AGAP1: variants seen among roughly 807,000 people sequenced by gnomAD.
The protein encoded by AGAP1 is ArfGAP with GTPase domain, ankyrin repeat and PH domain 1, also known as arf-GAP with GTPase, ANK repeat and PH domain-containing protein 1.
AGAP1 carries 29 observed loss-of-function variants against 105.3 expected under a neutral mutation model. The ratio of observed to expected loss-of-function variants is 0.28; its 90% CI spans 0.21 to 0.38. The LOEUF (loss-of-function observed/expected upper bound fraction) is 0.38, where lower values mean the gene tolerates loss of function less well. Among genes scored for constraint, AGAP1 ranks in the 10% least tolerant of loss-of-function variants. AGAP1 has a pLI of 1.00. For missense variants in AGAP1, 998 were observed against 1,165.1 expected, an observed-to-expected ratio of 0.86 and a Z score of 2.09; for synonymous variants, 509 against 485.9, an observed-to-expected ratio of 1.05 and a Z score of -0.63.
rs1032004640 is a variant in AGAP1, at chr2:235,970,872, G to C, written c.1645+2249G>C. 2.0e-5 allele frequency among the ~76,000 whole-genome samples: 3 copies of C among 152,178 alleles called. No homozygotes were observed. The highest frequency in any genetic ancestry group is 7.2e-5 in the African/African-American group (3 of 41,438). On this transcript the variant is annotated intron_variant, in intron 13 of 17. Coordinates refer to ENST00000304032, the MANE Select transcript of AGAP1 (RefSeq NM_001037131.3). The surrounding 1 kb of genome is among the most constrained non-coding windows in gnomAD (Gnocchi z 5.4). ...TGAGTGGGATGGTATGTGTGTGCGAGGCAATAGTGGATACCCAGGCTGAGA... is the reference window on the plus strand; with the variant it reads ...TGAGTGGGATGGTATGTGTGTGCGACGCAATAGTGGATACCCAGGCTGAGA...
chr2:236,079,078 C>T (rs1204641587), intron 16 of AGAP1, among the ~76,000 whole-genome samples: 5 of 152,110 alleles, frequency 3.3e-5, no homozygotes, highest in South Asian at 4.1e-4. Context: ...GTTAGGGCTC[C>T]GATGCCACAC....
At chr2:235,996,591 C>G (rs543278092) in intron 13 of AGAP1, among the ~76,000 whole-genome samples, 1 of 152,232 alleles carries the variant, frequency 6.6e-6, no homozygotes, top group Non-Finnish European at 1.5e-5. Context: ...AGAGCCAGCC[C>G]CTGCCAGCTG....
chr2:236,098,243 C>T (rs368960525), intron 16 of AGAP1, among the ~76,000 whole-genome samples: 18 of 152,132 alleles, frequency 1.2e-4, no homozygotes, highest in South Asian at 4.1e-4. Context: ...CACGCTGAAC[C>T]GTCATACCGG....
At position 235,883,257 on chromosome 2, in the gene AGAP1, G is replaced by C. The variant is rs949126529; in HGVS notation, c.1051-88G>C. The C allele has an allele frequency of 1.4e-5, 15 of 1,110,824 alleles. No individual in the cohort carries two copies. Among genetic ancestry groups the C allele is most frequent in the East Asian group, 4.8e-5 (2 of 42,098 alleles). The allele number at this position is 1,110,824 out of a possible 1,614,324, so 68.8% of individuals were successfully genotyped here. On this transcript the variant is annotated intron_variant, in intron 9 of 17. Coordinates refer to ENST00000304032, the MANE Select transcript of AGAP1 (RefSeq NM_001037131.3). This position sits in a 1 kb window ranked among gnomAD's most constrained non-coding sequence, Gnocchi z 4.5. ...CAGAGTGAAGTTCTGCACACACACA[G>C]AACTTGAATGTATATGTTGCCTGTG...
At position 235,625,252 on chromosome 2, in the gene AGAP1, G is replaced by GGGCA. The variant is rs1452561375; in HGVS notation, c.164-83926_164-83923dup. 1.3e-5 allele frequency among the ~76,000 whole-genome samples: 2 copies of GGGCA among 152,144 alleles called. No individual in the cohort carries two copies. The highest frequency in any genetic ancestry group is 4.8e-5 in the African/African-American group (2 of 41,440). On this transcript the variant is annotated intron_variant, in intron 1 of 17. Coordinates refer to ENST00000304032, the MANE Select transcript of AGAP1 (RefSeq NM_001037131.3). This position sits in a 1 kb window ranked among gnomAD's most constrained non-coding sequence, Gnocchi z 4.0. Reference sequence around the variant, plus strand: ...CTCTGCACATGCCTGAACTGCTTCAGGGCACCCTACAGGTCACTCAGGCCT... The same window carrying GGGCA: ...CTCTGCACATGCCTGAACTGCTTCAGGGCAGGCACCCTACAGGTCACTCAGGCCT...
At position 235,751,910 on chromosome 2, in the gene AGAP1, C is replaced by T. The variant is rs1471116107; in HGVS notation, c.673+1422C>T. On this transcript the variant is annotated intron_variant, in intron 6 of 17. Coordinates refer to ENST00000304032, the MANE Select transcript of AGAP1 (RefSeq NM_001037131.3). The surrounding 1 kb of genome is among the most constrained non-coding windows in gnomAD (Gnocchi z 5.3). ...TCCCTCCACTAACGTATATCTCGGG[C>T]ACCTCCTGCTGCCTCTGTCGGGAGA... 6.6e-6 allele frequency among the ~76,000 whole-genome samples: 1 copy of T among 152,196 alleles called. No homozygotes were observed. The highest frequency in any genetic ancestry group is 6.5e-5 in the Admixed American group (1 of 15,280).
intron 1 of AGAP1, among the ~76,000 whole-genome samples, chr2:235,516,109 A>G (rs1030606010): frequency 1.5e-5 from 2 of 129,332 alleles, no homozygotes; most frequent in African/African-American, 6.5e-5. Context: ...GCCAGTTCCC[A>G]TGGACTCTCC....
rs2050325003 is a variant in AGAP1, at chr2:235,887,452, A to C, written c.1155+4003A>C. Reference sequence around the variant, plus strand: ...AGCCTCTGTAGACCTATATCAAGTCATTAAAAGTAGATGTTAACCTGTCAG... The same window carrying C: ...AGCCTCTGTAGACCTATATCAAGTCCTTAAAAGTAGATGTTAACCTGTCAG... On this transcript the variant is annotated intron_variant, in intron 10 of 17. Coordinates refer to ENST00000304032, the MANE Select transcript of AGAP1 (RefSeq NM_001037131.3). The surrounding 1 kb of genome is among the most constrained non-coding windows in gnomAD (Gnocchi z 4.1). 6.6e-6 allele frequency among the ~76,000 whole-genome samples: 1 copy of C among 152,226 alleles called. No individual in the cohort carries two copies. Among genetic ancestry groups the C allele is most frequent in the Non-Finnish European group, 1.5e-5 (1 of 68,042 alleles).
chr2:235,513,380 T>C (rs1942234689), intron 1 of AGAP1, among the ~76,000 whole-genome samples: 1 of 151,736 alleles, frequency 6.6e-6, no homozygotes, highest in Non-Finnish European at 1.5e-5. Context: ...AATTAGCCAG[T>C]AGTGGTGGCA....
At chr2:235,945,883 A>ATGGC (rs937952580) in intron 12 of AGAP1, among the ~76,000 whole-genome samples, 2 of 91,200 alleles carry the variant, frequency 2.2e-5, no homozygotes, top group African/African-American at 4.5e-5. Context: ...GGCACTTCAC[A>ATGGC]TGGCTGGCGG....
intron 1 of AGAP1, among the ~76,000 whole-genome samples, chr2:235,598,016 G>T (rs112003147): frequency 4.1e-5 from 5 of 123,378 alleles, no homozygotes; most frequent in African/African-American, 1.0e-4. Context: ...ACGCGCTCCC[G>T]TGTTTCCTTT....
In AGAP1 at chr2:235,700,621, G is replaced by A. The variant is rs570983461; in HGVS notation, c.164-8558G>A. On this transcript the variant is annotated intron_variant, in intron 1 of 17. Transcript: ENST00000304032. This position sits in a 1 kb window ranked among gnomAD's most constrained non-coding sequence, Gnocchi z 6.1. Reference sequence around the variant, plus strand: ...TCCAGACCAGCCTGGGGAACATGGCGAAACCCCGTCTCTACTGAAAATACA... The same window carrying A: ...TCCAGACCAGCCTGGGGAACATGGCAAAACCCCGTCTCTACTGAAAATACA... Among the ~76,000 whole-genome samples, 2 of 152,118 alleles carry A rather than the reference G, an allele frequency of 1.3e-5. No individual in the cohort carries two copies. Among genetic ancestry groups the A allele is most frequent in the South Asian group, 2.1e-4 (1 of 4,820 alleles).
intron 1 of AGAP1, among the ~76,000 whole-genome samples, chr2:235,697,511 G>A (rs547313708): frequency 6.6e-6 from 1 of 152,306 alleles, no homozygotes; most frequent in South Asian, 2.1e-4. Context: ...GTCTGTGTCT[G>A]TCACCCCTGT....
At chr2:235,746,419 A>C in intron 5 of AGAP1, among the ~76,000 whole-genome samples, 1 of 71,256 alleles carries the variant, frequency 1.4e-5, no homozygotes, top group Non-Finnish European at 2.6e-5. Flanking sequence ...TTTAAAGCGT[A>C]CGTGGTCGCT....
At position 235,553,243 on chromosome 2, in the gene AGAP1, T is replaced by C. The variant is rs1943869557; in HGVS notation, c.163+58394T>C. 6.7e-6 allele frequency among the ~76,000 whole-genome samples: 1 copy of C among 148,868 alleles called. No individual in the cohort carries two copies. The highest frequency in any genetic ancestry group is 2.0e-4 in the East Asian group (1 of 4,890). On this transcript the variant is annotated intron_variant, in intron 1 of 17. Transcript: ENST00000304032. The surrounding 1 kb of genome is among the most constrained non-coding windows in gnomAD (Gnocchi z 4.5). ...GTCAGTACAGATTTTAGGCTTTTTA[T>C]ATTAAGGGCTGGGGGAAGAGGAGGG...
In AGAP1 at chr2:236,036,757, A is replaced by G; in HGVS notation, c.1800+42A>G. The G allele has an allele frequency of 6.2e-7, 1 of 1,611,312 alleles. No homozygotes were observed. The highest frequency in any genetic ancestry group is 1.1e-5 in the South Asian group (1 of 90,630). ...CCCAAAACCAAGGCTGGGGCTGCTC[A>G]GGGGGAGTGCGGGCCCCAAGTAATG... On this transcript the variant is annotated intron_variant, in intron 14 of 17. Transcript: ENST00000304032. This position sits in a 1 kb window ranked among gnomAD's most constrained non-coding sequence, Gnocchi z 5.7.
At position 236,045,949 on chromosome 2, in the gene AGAP1, G is replaced by C; in HGVS notation, c.1892-3110G>C. ...CAACATTTTGGGTTTCAGAGAATTCGGAGTCCGGCACAGGAATGTGTCCCA... is the reference window on the plus strand; with the variant it reads ...CAACATTTTGGGTTTCAGAGAATTCCGAGTCCGGCACAGGAATGTGTCCCA... On this transcript the variant is annotated intron_variant, in intron 15 of 17. Coordinates refer to ENST00000304032, the MANE Select transcript of AGAP1 (RefSeq NM_001037131.3). This position sits in a 1 kb window ranked among gnomAD's most constrained non-coding sequence, Gnocchi z 6.9. 3 of 471,630 alleles carry C rather than the reference G, an allele frequency of 6.4e-6. No individual in the cohort carries two copies. Among genetic ancestry groups the C allele is most frequent in the Non-Finnish European group, 1.3e-5 (3 of 227,126 alleles). The allele number at this position is 471,630 out of a possible 1,614,324, so 29.2% of individuals were successfully genotyped here.
At position 235,579,775 on chromosome 2, in the gene AGAP1, C is replaced by G. The variant is rs77933117; in HGVS notation, c.163+84926C>G. On this transcript the variant is annotated intron_variant, in intron 1 of 17. Coordinates refer to ENST00000304032, the MANE Select transcript of AGAP1 (RefSeq NM_001037131.3). ...TGGGCAACAGAGCGAGACTCCATCT[C>G]AAAAAAAAAAAAAAAGTGAACACTT... Among the ~76,000 whole-genome samples, 9 of 127,340 alleles carry G rather than the reference C, an allele frequency of 7.1e-5. No individual in the cohort carries two copies. In the Admixed American group the frequency reaches 7.2e-4, roughly 10 times the overall value. 83.5% of individuals were successfully genotyped at this position (127,340 alleles called of 152,430 possible). A position where few individuals can be genotyped will look rare whatever the true frequency, so the allele number is the denominator to read the frequency against.
intron 1 of AGAP1, among the ~76,000 whole-genome samples, chr2:235,496,366 T>A (rs976583534): frequency 1.3e-5 from 2 of 152,202 alleles, no homozygotes; most frequent in Admixed American, 6.5e-5. Flanking sequence ...ATGGGCTCTG[T>A]CTGCCTCTGC....
Sources: gnomAD v4.1 joint callset for allele counts (sites outside exome capture counted in the v4.1 genomes callset) on GRCh38, gnomAD v4.1.1 for gene constraint, Gnocchi (gnomAD v3.1) non-coding constraint, MANE v1.5 for transcripts, NCBI Gene and HGNC (gene_info 2026-07-23, HGNC 2026-07-21) for gene names.